Variants in SLCO4A1 observed in about 807,000 individuals in gnomAD.
SLCO4A1 encodes the protein colon organic anion transporter.
SLCO4A1 carries 51 observed loss-of-function variants against 64.6 expected under a neutral mutation model. The ratio of observed to expected loss-of-function variants is 0.79; its 90% CI spans 0.63 to 1.00. The LOEUF (loss-of-function observed/expected upper bound fraction) is 1.00. Among genes scored for constraint, SLCO4A1 ranks in the 50% least tolerant of loss-of-function variants. The pLI, the probability that SLCO4A1 is intolerant of heterozygous loss-of-function variation, is 0.00. For synonymous variants in SLCO4A1, 471 were observed against 444.9 expected (o/e 1.06, Z -0.74); for missense variants, 919 against 980.5 (o/e 0.94, Z 0.84).
Position 62,672,212 on chromosome 20 carries a change from G to A in SLCO4A1, c.*319G>A, listed in dbSNP as rs939235746. The A allele has an allele frequency of 1.7e-4, 221 of 1,292,226 alleles. No homozygotes were observed. The highest frequency in any genetic ancestry group is 1.4e-3 in the Middle Eastern group (5 of 3,520). The allele number at this position is 1,292,226 out of a possible 1,614,324, so 80.0% of individuals were successfully genotyped here. The stretch of plus-strand genomic sequence containing the variant: ...GGGCTGTGAATCCCACTGGGAGGGC[G>A]GTGGGCCTGCAGCCTGAGGAAGGCT... On this transcript the variant is annotated 3_prime_UTR_variant, in exon 12 of 12. Transcript: ENST00000217159.
intron 2 of SLCO4A1, among the ~76,000 whole-genome samples, chr20:62,678,186 A>G (rs552618087): frequency 6.6e-6 from 1 of 152,370 alleles, no homozygotes; most frequent in Non-Finnish European, 1.5e-5. Flanking sequence ...TCCAGGCAGA[A>G]ACGCCAGCAG....
intron 10 of SLCO4A1, 86 bp from the exon 11 acceptor site, chr20:62,668,844 C>A: frequency 7.3e-7 from 1 of 1,372,348 alleles, no homozygotes; most frequent in South Asian, 1.3e-5. Flanking sequence ...TCCCAGAGCC[C>A]ATCATTCCAG....
chr20:62,666,319 C>T, intron 6 of SLCO4A1, 61 bp from the exon 7 acceptor site: 1 of 1,495,932 alleles, frequency 6.7e-7, no homozygotes, highest in Admixed American at 1.7e-5. Flanking sequence ...GGCTGATCCA[C>T]CACCCTCTCC....
chr20:62,670,570 C>T (rs373368183), intron 11 of SLCO4A1, among the ~76,000 whole-genome samples: 48 of 152,350 alleles, frequency 3.2e-4, no homozygotes, highest in Non-Finnish European at 5.4e-4. Context: ...TAGACTCACG[C>T]GTCCACAGGG....
chr20:62,665,409 A>G (rs1231022504), intron 6 of SLCO4A1: 2 of 265,602 alleles, frequency 7.5e-6, no homozygotes, highest in Non-Finnish European at 1.4e-5. Flanking sequence ...TCCATGAGCC[A>G]GGCACTGGTG....
intron 2 of SLCO4A1, among the ~76,000 whole-genome samples, chr20:62,678,399 C>T (rs1426876414): frequency 6.6e-6 from 1 of 152,006 alleles, no homozygotes; most frequent in Non-Finnish European, 1.5e-5. Flanking sequence ...TACGGCCGCT[C>T]GGGAACCCAG....
downstream of SLCO4A1, among the ~76,000 whole-genome samples, chr20:62,690,167 C>T (rs865791507): frequency 4.6e-5 from 7 of 152,212 alleles, no homozygotes; most frequent in Admixed American, 1.3e-4. Context: ...CCTCTCTGCT[C>T]CAGCGGTGCT....
At chr20:62,678,666 C>T (rs1223147394) in intron 2 of SLCO4A1, among the ~76,000 whole-genome samples, 1 of 151,710 alleles carries the variant, frequency 6.6e-6, no homozygotes, top group Non-Finnish European at 1.5e-5. Context: ...AAATTGGAAA[C>T]CACCCAAATG....
Position 62,672,054 on chromosome 20 carries a change from G to GT in SLCO4A1, c.*162dup, listed in dbSNP as rs559865920. 2.3e-3 allele frequency: 3,453 copies of GT among 1,531,250 alleles called. 7 individuals carry two copies. The highest frequency in any genetic ancestry group is 2.6e-3 in the Non-Finnish European group (2,929 of 1,141,500). The allele number at this position is 1,531,250 out of a possible 1,614,324, so 94.9% of individuals were successfully genotyped here. ...GCTGTGACCTCCTGTCCCCAGAGCT[G>GT]TACGGCCCTGCAGTGGGTGGGAGGA... On this transcript the variant is annotated 3_prime_UTR_variant, in exon 12 of 12. Transcript: ENST00000217159.
rs1020928491 is a variant in SLCO4A1, at chr20:62,656,665, G to A, written c.211G>A (p.Gly71Arg). Reference sequence around the variant, plus strand: ...CTGGGCCGAGAAGCATGGCGCCCGGGGGACCCATGAGGTGCGGTACGTCTC... The same window carrying A: ...CTGGGCCGAGAAGCATGGCGCCCGGAGGACCCATGAGGTGCGGTACGTCTC... ...QLWAEKHGAR[G>R]THEVRYVSAG... is the part of the protein sequence containing the mutation. Residue 71 changes from glycine (G) to arginine (R), a missense_variant, in exon 2 of 12, where the codon GGG (glycine) becomes AGG (arginine). Gly to Arg is a moderately radical substitution (Grantham distance 125). Transcript: ENST00000217159. 1 of 1,605,776 alleles carries A rather than the reference G, an allele frequency of 6.2e-7. No individual in the cohort carries two copies.
At chr20:62,690,477 C>T (rs1988191676), downstream of SLCO4A1, among the ~76,000 whole-genome samples, 1 of 152,208 alleles carries the variant, frequency 6.6e-6, no homozygotes, top group African/African-American at 2.4e-5. Flanking sequence ...CGCCCTCCAC[C>T]GAGCCGCAGG....
intron 2 of SLCO4A1, among the ~76,000 whole-genome samples, chr20:62,657,457 G>A (rs1983957122): frequency 6.6e-6 from 1 of 152,250 alleles, no homozygotes; most frequent in Admixed American, 6.5e-5. Context: ...TTTCTCATGT[G>A]GACCCTGCTC....
chr20:62,680,263 C>T (rs1434900518), intron 2 of SLCO4A1, among the ~76,000 whole-genome samples: 2 of 152,198 alleles, frequency 1.3e-5, no homozygotes, highest in Non-Finnish European at 2.9e-5. Context: ...TGTGCAGATG[C>T]CATGGGATTT....
intron 1 of SLCO4A1, chr20:62,652,055 C>G (rs1278899788): frequency 2.1e-5 from 3 of 146,292 alleles, no homozygotes; most frequent in Non-Finnish European, 4.6e-5. Context: ...CCCCACACCC[C>G]CCACCCCCGC....
chr20:62,666,324 C>G, intron 6 of SLCO4A1, 56 bp from the exon 7 acceptor site: 2 of 1,524,188 alleles, frequency 1.3e-6, no homozygotes, highest in East Asian at 2.3e-5. Flanking sequence ...ATCCACCACC[C>G]TCTCCCACCA....
intron 1 of SLCO4A1, among the ~76,000 whole-genome samples, chr20:62,642,772 C>T (rs1176223198): frequency 6.6e-6 from 1 of 152,180 alleles, no homozygotes; most frequent in African/African-American, 2.4e-5. Flanking sequence ...TTCCCGCCGC[C>T]GGCTGCGCAG....
At position 62,658,124 on chromosome 20, in the gene SLCO4A1, G is replaced by A. The variant is rs190784964; in HGVS notation, c.797-553G>A. Among the ~76,000 whole-genome samples, 172 of 152,366 alleles carry A rather than the reference G, an allele frequency of 1.1e-3. 10 individuals carry two copies. The highest frequency in any genetic ancestry group is 0.01 in the Middle Eastern group (3 of 294). On this transcript the variant is annotated intron_variant, in intron 2 of 11. Coordinates refer to ENST00000217159, the MANE Select transcript of SLCO4A1 (RefSeq NM_016354.4). ...GGGCATCGTAGGATGGTCACGGGGA[G>A]CAGCTGGCCCCAGCCGGACTCTGCA... is the stretch of plus-strand genomic sequence containing the variant.
intron 2 of SLCO4A1, among the ~76,000 whole-genome samples, chr20:62,657,467 C>T (rs1434540459): frequency 1.3e-5 from 2 of 152,246 alleles, no homozygotes; most frequent in Non-Finnish European, 2.9e-5. Flanking sequence ...GGACCCTGCT[C>T]AGGGCTCCAG....
At chr20:62,652,576 T>TCGTGGGTGGC (rs1482949271) in intron 1 of SLCO4A1, among the ~76,000 whole-genome samples, 1 of 152,220 alleles carries the variant, frequency 6.6e-6, no homozygotes, top group Non-Finnish European at 1.5e-5. Context: ...AGCCTGTGGC[T>TCGTGGGTGGC]CGTGGGTGGC....
Sources: gnomAD v4.1 joint callset for allele counts (sites outside exome capture counted in the v4.1 genomes callset) on GRCh38, gnomAD v4.1.1 for gene constraint, MANE v1.5 for transcripts, NCBI Gene and HGNC (gene_info 2026-07-23, HGNC 2026-07-21) for gene names.